Variants in BUB1 observed in about 807,000 individuals in gnomAD.
BUB1 encodes the protein BUB1 mitotic checkpoint serine/threonine kinase.
In BUB1, 84 loss-of-function variants were observed where a neutral mutation model predicts 135.2. That is an observed-to-expected ratio of 0.62 (90% CI 0.52 to 0.74). The LOEUF (loss-of-function observed/expected upper bound fraction) is 0.74, where lower values mean the gene tolerates loss of function less well. Among genes scored for constraint, BUB1 ranks in the 30% least tolerant of loss-of-function variants. BUB1 has a pLI of 0.00. For missense variants in BUB1, 1,162 were observed against 1,288.3 expected, an observed-to-expected ratio of 0.90 and a Z score of 1.50; for synonymous variants, 403 against 434.4, an observed-to-expected ratio of 0.93 and a Z score of 0.90.
chr2:110,665,805 T>C (rs1376034612), intron 9 of BUB1, among the ~76,000 whole-genome samples: 3 of 152,220 alleles, frequency 2.0e-5, no homozygotes, highest in African/African-American at 7.2e-5. Context: ...GCAACCATTA[T>C]ACAGTTTAAA....
At chr2:110,645,674 G>T (rs567894280) in intron 19 of BUB1, among the ~76,000 whole-genome samples, 3 of 151,940 alleles carry the variant, frequency 2.0e-5, no homozygotes, top group African/African-American at 7.2e-5. Context: ...TGATCCTCCA[G>T]CCTCAGCCTC....
intron 9 of BUB1, among the ~76,000 whole-genome samples, chr2:110,665,148 A>C (rs562899938): frequency 1.3e-5 from 2 of 152,380 alleles, no homozygotes; most frequent in Non-Finnish European, 2.9e-5. Context: ...TAGCAGTGAA[A>C]GATCTATCAG....
Position 110,661,833 on chromosome 2 carries a change from T to C in BUB1, c.966A>G (p.Pro322=). The C allele has an allele frequency of 6.2e-7, 1 of 1,613,412 alleles. No individual in the cohort carries two copies. Residue 322 remains proline, a synonymous_variant, in exon 10 of 25, where the codon CCA becomes CCG. Transcript: ENST00000302759. Reference sequence around the variant, plus strand: ...AGCCTACACTTGGCCCCATACGTGCTGGATTAACCTTTCATATTAAACAAA... The same window carrying C: ...AGCCTACACTTGGCCCCATACGTGCCGGATTAACCTTTCATATTAAACAAA... ...PASQERSEVN[P]ARMGPSVGSQ...
At chr2:110,647,557 A>T (rs937695957) in intron 19 of BUB1, among the ~76,000 whole-genome samples, 8 of 148,324 alleles carry the variant, frequency 5.4e-5, no homozygotes, top group African/African-American at 1.7e-4. Context: ...ACTTATGATT[A>T]AAAAAAAAAC....
chr2:110,668,670 A>G (rs1437853546), intron 6 of BUB1, among the ~76,000 whole-genome samples: 1 of 151,560 alleles, frequency 6.6e-6, no homozygotes, highest in Non-Finnish European at 1.5e-5. Flanking sequence ...ATGTTGATAC[A>G]CCATGGAGGC....
At position 110,639,801 on chromosome 2, in the gene BUB1, G is replaced by C. The variant is rs765400716; in HGVS notation, c.3003C>G (p.Gly1001=). The C allele has an allele frequency of 3.7e-6, 6 of 1,613,940 alleles. No homozygotes were observed. In the Middle Eastern group the frequency reaches 6.6e-4, roughly 178 times the overall value. ...CTTCATTTTTCACTTTCATGTAAGT[G>C]CCAAAGAGCATGCAATATACTGTTG... ...VAATVYCMLF[G]TYMKVKNEGG... is the part of the protein sequence containing the mutation. The change falls in exon 24 of 25, where the codon GGC becomes GGG. Residue 1001 remains glycine (G), a synonymous_variant. Coordinates refer to ENST00000302759, the MANE Select transcript of BUB1 (RefSeq NM_004336.5).
chr2:110,674,313 A>G lies in BUB1; in HGVS notation c.79T>C (p.Trp27Arg). 1 of 1,614,066 alleles carries G rather than the reference A, an allele frequency of 6.2e-7. No homozygotes were observed. The highest frequency in any genetic ancestry group is 8.5e-7 in the Non-Finnish European group (1 of 1,179,996). ...AAATAACTAAATGCTGACCTTTCCCATTCACCAAGAGGGTCATTGCCCTTG... is the reference window on the plus strand; with the variant it reads ...AAATAACTAAATGCTGACCTTTCCCGTTCACCAAGAGGGTCATTGCCCTTG... ...SYKGNDPLGE[W>R]ERYIQWVEEN... Residue 27 changes from tryptophan to arginine, a missense_variant, in exon 2 of 25, where the codon TGG becomes CGG. Trp to Arg is a moderately radical substitution (Grantham distance 101, BLOSUM62 -3). Transcript: ENST00000302759.
At chr2:110,674,988 G>A (rs144441455) in intron 1 of BUB1, 1,657 of 154,568 alleles carry the variant, frequency 0.011, 19 homozygotes, top group Non-Finnish European at 0.014. Flanking sequence ...GATTGTAAAC[G>A]GGTGTGAGGC....
intron 16 of BUB1, among the ~76,000 whole-genome samples, chr2:110,654,704 C>G (rs1444331569): frequency 6.6e-6 from 1 of 151,000 alleles, no homozygotes; most frequent in South Asian, 2.1e-4. Flanking sequence ...TTTCAACTGA[C>G]CTCTCCTTTA....
chr2:110,648,730 C>T lies in BUB1; in HGVS notation c.2347+504G>A, dbSNP rs2104524532. 1 of 152,280 alleles carries T rather than the reference C, an allele frequency of 6.6e-6. No homozygotes were observed. Among genetic ancestry groups the T allele is most frequent in the East Asian group, 1.9e-4 (1 of 5,182 alleles). The allele number at this position is 152,280 out of a possible 1,614,324, so 9.4% of individuals were successfully genotyped here. A position where few individuals can be genotyped will look rare whatever the true frequency, so the allele number is the denominator to read the frequency against. On this transcript the variant is annotated intron_variant, in intron 19 of 24. Coordinates refer to ENST00000302759, the MANE Select transcript of BUB1 (RefSeq NM_004336.5). The surrounding 1 kb of genome is among the most constrained non-coding windows in gnomAD (Gnocchi z 4.2). ...AAAATAAAGTCTATTCATTAAAAAA[C>T]TTAAAAGGGAATATTGTGAAGTCTT...
chr2:110,654,417 C>G (rs1689867951), intron 16 of BUB1, among the ~76,000 whole-genome samples: 1 of 151,766 alleles, frequency 6.6e-6, no homozygotes, highest in Non-Finnish European at 1.5e-5. Flanking sequence ...AAATTTCTAC[C>G]AAGTGATTAT....
chr2:110,670,134 T>TGTTTC (rs1206972928), intron 5 of BUB1, among the ~76,000 whole-genome samples: 1 of 141,444 alleles, frequency 7.1e-6, no homozygotes, highest in African/African-American at 2.6e-5. Flanking sequence ...GGGTTTTTTT[T>TGTTTC]TTTTTTTTTT....
intron 9 of BUB1, 43 bp from the exon 10 acceptor site, chr2:110,661,884 G>A: frequency 6.3e-7 from 1 of 1,599,230 alleles, no homozygotes; most frequent in Non-Finnish European, 8.5e-7. Context: ...AAACCATGAA[G>A]TCCAGAATAC....
intron 9 of BUB1, 89 bp from the exon 10 acceptor site, chr2:110,661,930 A>C: frequency 6.8e-7 from 1 of 1,470,146 alleles, no homozygotes; most frequent in South Asian, 1.3e-5. Flanking sequence ...AAAGCATGGC[A>C]TCTGTCTTCA....
At chr2:110,640,975 A>T (rs1689485320) in intron 23 of BUB1, 59 bp downstream of exon 23, 1 of 1,480,512 alleles carries the variant, frequency 6.8e-7, no homozygotes, top group Non-Finnish European at 9.0e-7. Flanking sequence ...ATTCATTTTG[A>T]AAATCTGATA....
rs927776408 is a variant in BUB1, at chr2:110,658,626, T to C, written c.1393A>G (p.Lys465Glu). 1 of 1,614,108 alleles carries C rather than the reference T, an allele frequency of 6.2e-7. No homozygotes were observed. Among genetic ancestry groups the C allele is most frequent in the African/African-American group, 1.3e-5 (1 of 74,932 alleles). The change falls in exon 12 of 25, where the codon AAA becomes GAA. Residue 465 changes from lysine (K) to glutamate (E), a missense_variant. Coordinates refer to ENST00000302759, the MANE Select transcript of BUB1 (RefSeq NM_004336.5). ...TAAAATACTTTACCTAATGCTTCTT[T>C]TGTGTGCACGGTGGGTGATGGCTGC... The part of the protein sequence containing the change: ...KVQPSPTVHT[K>E]EALGFIMNMF...
chr2:110,641,085 T>A lies in BUB1; in HGVS notation c.2904A>T (p.Thr968=). The A allele has an allele frequency of 6.2e-7, 1 of 1,611,206 alleles. No individual in the cohort carries two copies. Among genetic ancestry groups the A allele is most frequent in the South Asian group, 1.1e-5 (1 of 90,198 alleles). The stretch of plus-strand genomic sequence containing the variant: ...GCATCTCAACACACTGAAAACCAGA[T>A]GTTTCACACTTTGCTGTGAATATAG... ...KGTIFTAKCE[T]SGFQCVEMLS... is the part of the protein sequence containing the mutation. Residue 968 remains threonine, a synonymous_variant, in exon 23 of 25, where the codon ACA becomes ACT. Coordinates refer to ENST00000302759, the MANE Select transcript of BUB1 (RefSeq NM_004336.5).
At chr2:110,673,205 G>C (rs1480992311) in intron 3 of BUB1, among the ~76,000 whole-genome samples, 1 of 152,200 alleles carries the variant, frequency 6.6e-6, no homozygotes, top group Non-Finnish European at 1.5e-5. Context: ...AAAGGGCAAG[G>C]AAGCTCCACA....
chr2:110,659,376 C>CT (rs1690017676), intron 11 of BUB1, among the ~76,000 whole-genome samples: 1 of 152,182 alleles, frequency 6.6e-6, no homozygotes, highest in African/African-American at 2.4e-5. Context: ...TAGTACATTT[C>CT]TTTCCCCCTC....
Sources: allele counts gnomAD v4.1 joint callset (sites outside exome capture counted in the v4.1 genomes callset), GRCh38; gene constraint gnomAD v4.1.1; non-coding constraint Gnocchi (gnomAD v3.1); transcripts MANE v1.5; gene names NCBI Gene and HGNC (gene_info 2026-07-23, HGNC 2026-07-21).